The following DYNC1I1 variants were observed in gnomAD, a reference collection of about 807,000 sequenced individuals.
DYNC1I1 encodes dynein cytoplasmic 1 intermediate chain 1.
A neutral mutation model predicts 86.6 loss-of-function variants in DYNC1I1; 43 were observed. The observed-to-expected ratio is 0.50, with a 90% CI of 0.39 to 0.64. The LOEUF (loss-of-function observed/expected upper bound fraction) is 0.64. DYNC1I1 is among the 30% of genes least tolerant of loss of function. The pLI is 0.00. For missense variants in DYNC1I1, 604 were observed against 788.8 expected (o/e 0.77, Z 2.81); for synonymous variants, 262 against 283.7 (o/e 0.92, Z 0.77).
intron 6 of DYNC1I1, among the ~76,000 whole-genome samples, chr7:95,942,493 A>G (rs1792258219): frequency 6.6e-6 from 1 of 152,224 alleles, no homozygotes; most frequent in South Asian, 2.1e-4. Flanking sequence ...ACCAATAGAA[A>G]AAGAGGGAAT....
At chr7:95,884,178 A>T (rs1354396661) in intron 6 of DYNC1I1, among the ~76,000 whole-genome samples, 3 of 152,192 alleles carry the variant, frequency 2.0e-5, no homozygotes, top group Non-Finnish European at 4.4e-5. Context: ...CATTAAGTAC[A>T]CAACAAAATG....
intron 13 of DYNC1I1, among the ~76,000 whole-genome samples, chr7:96,037,787 G>C (rs1022812660): frequency 9.9e-5 from 15 of 152,120 alleles, no homozygotes; most frequent in Non-Finnish European, 1.9e-4. Flanking sequence ...TTTACAACAA[G>C]CTGAATTTTG....
intron 6 of DYNC1I1, among the ~76,000 whole-genome samples, chr7:95,876,558 A>T (rs1241843564): frequency 6.6e-6 from 1 of 152,178 alleles, no homozygotes; most frequent in East Asian, 1.9e-4. Context: ...CCCTAGGTAC[A>T]CTAGGGTGAA....
chr7:95,970,577 G>T (rs1302415716), intron 6 of DYNC1I1, among the ~76,000 whole-genome samples: 1 of 151,950 alleles, frequency 6.6e-6, no homozygotes, highest in East Asian at 1.9e-4. Context: ...TTTATGGACT[G>T]AATGTGATTA....
chr7:95,812,849 C>A (rs1794859843), intron 3 of DYNC1I1, among the ~76,000 whole-genome samples: 1 of 151,942 alleles, frequency 6.6e-6, no homozygotes, highest in South Asian at 2.1e-4. Context: ...TTTATAGACA[C>A]CTTGTTTTAT....
chr7:96,085,280 G>T (rs1790644929), intron 16 of DYNC1I1, among the ~76,000 whole-genome samples: 1 of 152,160 alleles, frequency 6.6e-6, no homozygotes, highest in African/African-American at 2.4e-5. Flanking sequence ...ATTTAGTGGT[G>T]CAATTTATTA....
chr7:95,967,145 G>GA (rs1190432405), intron 6 of DYNC1I1, among the ~76,000 whole-genome samples: 2 of 152,092 alleles, frequency 1.3e-5, no homozygotes, highest in Non-Finnish European at 2.9e-5. Flanking sequence ...AATTTGGGAG[G>GA]AAAAAACTCA....
chr7:95,917,437 G>A (rs868548851), intron 6 of DYNC1I1, among the ~76,000 whole-genome samples: 11 of 151,998 alleles, frequency 7.2e-5, no homozygotes, highest in African/African-American at 2.4e-4. Flanking sequence ...TAAATACAGC[G>A]TCAAGTCGAA....
chr7:95,814,199 C>T (rs549778227), intron 4 of DYNC1I1, among the ~76,000 whole-genome samples: 27 of 152,208 alleles, frequency 1.8e-4, no homozygotes, highest in South Asian at 4.1e-4. Flanking sequence ...CCAATTTTTC[C>T]GCATTTTCCA....
rs201860667 is a variant in DYNC1I1, at chr7:96,076,235, G to A, written c.1650+38G>A. On this transcript the variant is annotated intron_variant, in intron 15 of 16. Coordinates refer to ENST00000447467, the MANE Select transcript of DYNC1I1 (RefSeq NM_001135556.2). ...TCAGGCGCCCGGGCCGGAGGGCTGG[G>A]AGGGGGGCGCAGTCGGCCACTCGCA... 2,205 of 1,608,874 alleles carry A rather than the reference G, an allele frequency of 1.4e-3. 2 individuals carry two copies. Among genetic ancestry groups the A allele is most frequent in the Non-Finnish European group, 1.8e-3 (2,065 of 1,177,000 alleles).
At chr7:96,096,059 G>A (rs1790995329) in intron 16 of DYNC1I1, among the ~76,000 whole-genome samples, 2 of 152,108 alleles carry the variant, frequency 1.3e-5, no homozygotes, top group African/African-American at 2.4e-5. Context: ...ATAAGTCAGA[G>A]AACTTACTTT....
In DYNC1I1 at chr7:95,846,443, G is replaced by A. The variant is rs1425744258; in HGVS notation, c.374+18327G>A. Among the ~76,000 whole-genome samples the A allele has an allele frequency of 2.0e-5, 3 of 152,182 alleles. No homozygotes were observed. In the East Asian group the frequency reaches 5.8e-4, roughly 29 times the overall value. On this transcript the variant is annotated intron_variant, in intron 5 of 16. Transcript: ENST00000447467. ...CTTTTGCTGCCAAACTAATATCTCT[G>A]CACAGTAAGAAGCAAATACCATGGA...
intron 1 of DYNC1I1, among the ~76,000 whole-genome samples, chr7:95,791,311 G>T (rs1214283338): frequency 6.6e-6 from 1 of 152,178 alleles, no homozygotes; most frequent in Admixed American, 6.5e-5. Context: ...TTTCAGGCAG[G>T]CCTACTGGCC....
intron 6 of DYNC1I1, among the ~76,000 whole-genome samples, chr7:95,957,818 A>AC (rs1393976864): frequency 6.6e-6 from 1 of 152,232 alleles, no homozygotes; most frequent in African/African-American, 2.4e-5. Flanking sequence ...CCAGGATCAC[A>AC]GAACTTGTCC....
At chr7:95,871,410 C>A (rs914380049) in intron 6 of DYNC1I1, among the ~76,000 whole-genome samples, 1 of 152,170 alleles carries the variant, frequency 6.6e-6, no homozygotes, top group African/African-American at 2.4e-5. Flanking sequence ...TGTGAGAGTT[C>A]ACCTAGTCTA....
rs571849482 is a variant in DYNC1I1, at chr7:96,025,751, T to G, written c.970-2424T>G. 1.3e-5 allele frequency among the ~76,000 whole-genome samples: 2 copies of G among 152,248 alleles called. 1 individual carries two copies. Among genetic ancestry groups the G allele is most frequent in the African/African-American group, 4.8e-5 (2 of 41,554 alleles). Reference sequence around the variant, plus strand: ...CTCACTCTATGGGGTTGGGTTCTAGTTGATTGCCAACTATGTGTTTCAGTT... The same window carrying G: ...CTCACTCTATGGGGTTGGGTTCTAGGTGATTGCCAACTATGTGTTTCAGTT... On this transcript the variant is annotated intron_variant, in intron 10 of 16. Coordinates refer to ENST00000447467, the MANE Select transcript of DYNC1I1 (RefSeq NM_001135556.2).
intron 5 of DYNC1I1, among the ~76,000 whole-genome samples, chr7:95,866,119 G>C (rs1017364634): frequency 3.3e-5 from 5 of 152,172 alleles, no homozygotes; most frequent in Non-Finnish European, 5.9e-5. Flanking sequence ...TTCCTCCTTT[G>C]CTTAGTTTAA....
At chr7:95,866,372 G>A (rs1186552102) in intron 5 of DYNC1I1, among the ~76,000 whole-genome samples, 1 of 152,150 alleles carries the variant, frequency 6.6e-6, no homozygotes, top group Non-Finnish European at 1.5e-5. Flanking sequence ...TCAATGAGTG[G>A]ATGGTCATAA....
chr7:95,822,045 C>T (rs927884853), intron 4 of DYNC1I1, among the ~76,000 whole-genome samples: 1 of 152,170 alleles, frequency 6.6e-6, no homozygotes, highest in African/African-American at 2.4e-5. Context: ...TGGAAACCAC[C>T]AACTTGTTGT....
Sources: gnomAD v4.1 joint callset for allele counts (sites outside exome capture counted in the v4.1 genomes callset) on GRCh38, gnomAD v4.1.1 for gene constraint, MANE v1.5 for transcripts, NCBI Gene and HGNC (gene_info 2026-07-23, HGNC 2026-07-21) for gene names.